FAM81B: variants seen among roughly 807,000 people sequenced by gnomAD.
FAM81B encodes family with sequence similarity 81 member B.
In FAM81B, 60 loss-of-function variants were observed where a neutral mutation model predicts 58.7. That is an observed-to-expected ratio of 1.02 (90% CI 0.83 to 1.27). FAM81B has a LOEUF of 1.27. Among genes scored for constraint, FAM81B ranks in the 50% most tolerant of loss-of-function variants. The pLI is 0.00. For missense variants in FAM81B, 491 were observed against 522.0 expected (o/e 0.94, Z 0.58); for synonymous variants, 189 against 179.6 (o/e 1.05, Z -0.42).
rs535766732 is a variant in FAM81B, at chr5:95,427,872, G to A, written c.657-731G>A. On this transcript the variant is annotated intron_variant, in intron 5 of 9. Transcript: ENST00000283357. ...AGAGTCACGGGTAACAGTTGTGGGG[G>A]TGTGGTTCTGTGTGTTATCTTTCCT... is the stretch of plus-strand genomic sequence containing the variant. Among the ~76,000 whole-genome samples, 8 of 152,256 alleles carry A rather than the reference G, an allele frequency of 5.3e-5. No homozygotes were observed. In the East Asian group the frequency reaches 5.8e-4, roughly 11 times the overall value.
intron 7 of FAM81B, 106 bp from the exon 8 acceptor site, chr5:95,446,456 A>T: frequency 9.1e-7 from 1 of 1,096,336 alleles, no homozygotes; most frequent in Non-Finnish European, 1.3e-6. Flanking sequence ...AATACTTGCT[A>T]GACACACTGA....
rs1297313637 is a variant in FAM81B at position 95,407,398 on chromosome 5, ACACACACACACG to A, written c.294-6535_294-6524del. On this transcript the variant is annotated intron_variant, in intron 3 of 9. Coordinates refer to ENST00000283357, the MANE Select transcript of FAM81B (RefSeq NM_152548.3). The stretch of plus-strand genomic sequence containing the variant: ...AAAATGCCTGTTCTCTTTTACACAC[ACACACACACACG>A]CACACACACACGCGTGCGCGCACAC... Among the ~76,000 whole-genome samples the A allele has an allele frequency of 2.0e-5, 3 of 150,100 alleles. No individual in the cohort carries two copies. The East Asian group carries it at 5.9e-4, about 29-fold the overall frequency.
In FAM81B at chr5:95,414,594, C is replaced by T. The variant is rs531648279; in HGVS notation, c.537+404C>T. Among the ~76,000 whole-genome samples the T allele has an allele frequency of 4.6e-5, 7 of 152,240 alleles. No individual in the cohort carries two copies. In the East Asian group the frequency reaches 7.7e-4, roughly 17 times the overall value. ...CTGATGCCAGCAATTTCTCTAGCCC[C>T]GTCTTCTACCCTTCTTTCCTTCACT... On this transcript the variant is annotated intron_variant, in intron 4 of 9. Transcript: ENST00000283357.
At chr5:95,434,120 A>C (rs1395431925) in intron 6 of FAM81B, among the ~76,000 whole-genome samples, 1 of 152,208 alleles carries the variant, frequency 6.6e-6, no homozygotes, top group Non-Finnish European at 1.5e-5. Flanking sequence ...CAAATGCATT[A>C]TCTCATGCTT....
intron 5 of FAM81B, among the ~76,000 whole-genome samples, chr5:95,423,428 C>T (rs952219566): frequency 2.0e-5 from 3 of 151,050 alleles, no homozygotes; most frequent in South Asian, 2.1e-4. Flanking sequence ...AAGGAAAAGG[C>T]GAGCATGGGA....
chr5:95,410,823 C>T (rs1287351890), intron 3 of FAM81B: 1 of 152,082 alleles, frequency 6.6e-6, no homozygotes, highest in Non-Finnish European at 1.5e-5. Context: ...ACATGGAAAA[C>T]ATCCTAGGCT....
intron 3 of FAM81B, among the ~76,000 whole-genome samples, chr5:95,404,496 C>A (rs1280802940): frequency 1.3e-5 from 2 of 148,934 alleles, no homozygotes; most frequent in African/African-American, 4.9e-5. Flanking sequence ...ATGAAATATT[C>A]AATTTGAAAA....
At chr5:95,447,567 T>C (rs1561317541) in intron 8 of FAM81B, among the ~76,000 whole-genome samples, 1 of 152,096 alleles carries the variant, frequency 6.6e-6, no homozygotes, top group Non-Finnish European at 1.5e-5. Flanking sequence ...CGTGGGGTCA[T>C]TGTGCAGGCA....
chr5:95,414,090 C>A lies in FAM81B; in HGVS notation c.437C>A (p.Thr146Asn), dbSNP rs771298497. 3.7e-6 allele frequency: 6 copies of A among 1,614,090 alleles called. No homozygotes were observed. The highest frequency in any genetic ancestry group is 5.1e-6 in the Non-Finnish European group (6 of 1,180,010). The change falls in exon 4 of 10, where the codon ACC (threonine) becomes AAC (asparagine). Residue 146 changes from threonine to asparagine, a missense_variant. Thr to Asn is a moderately conservative substitution (Grantham distance 65). Transcript: ENST00000283357. ...GACATCTCTGCTTGCCTGCAGGGGA[C>A]CCATGGCTTTCGAAAAGAGGAATCG... ...KEDISACLQGTHGFRKEESLA... is the reference protein window; with the variant it reads ...KEDISACLQGNHGFRKEESLA...
At chr5:95,418,272 C>T (rs1156442934) in intron 4 of FAM81B, among the ~76,000 whole-genome samples, 6 of 152,172 alleles carry the variant, frequency 3.9e-5, no homozygotes, top group Non-Finnish European at 7.4e-5. Context: ...GTTCAGGTAA[C>T]CCTTATTTTA....
intron 7 of FAM81B, among the ~76,000 whole-genome samples, chr5:95,437,304 C>T (rs1745143091): frequency 6.6e-6 from 1 of 151,920 alleles, no homozygotes; most frequent in Non-Finnish European, 1.5e-5. Context: ...AAGATTCTTC[C>T]TAACATCCTC....
chr5:95,415,595 A>G (rs1261898229), intron 4 of FAM81B, among the ~76,000 whole-genome samples: 5 of 152,222 alleles, frequency 3.3e-5, no homozygotes, highest in African/African-American at 1.2e-4. Flanking sequence ...ATGAAGTATC[A>G]TGAAAGTGAC....
intron 4 of FAM81B, among the ~76,000 whole-genome samples, chr5:95,419,060 T>C (rs1762611169): frequency 1.3e-5 from 2 of 152,156 alleles, no homozygotes. Context: ...TTTTAGCATA[T>C]AGTAGAGTAA....
chr5:95,430,952 G>T (rs1258734222), intron 6 of FAM81B, among the ~76,000 whole-genome samples: 1 of 152,062 alleles, frequency 6.6e-6, no homozygotes, highest in Admixed American at 6.6e-5. Context: ...ATGAAGTTGA[G>T]CATCTTTTCA....
intron 7 of FAM81B, among the ~76,000 whole-genome samples, chr5:95,445,208 T>C (rs1745507968): frequency 1.3e-5 from 2 of 152,368 alleles, no homozygotes; most frequent in African/African-American, 2.4e-5. Context: ...ATTATATGCA[T>C]ATAATTTTGT....
chr5:95,437,578 C>G lies in FAM81B; in HGVS notation c.893+672C>G, dbSNP rs554328462. Among the ~76,000 whole-genome samples the G allele has an allele frequency of 2.6e-5, 4 of 152,210 alleles. No individual in the cohort carries two copies. The South Asian group carries it at 8.3e-4, about 32-fold the overall frequency. ...TCTCGAACTCCTGACCTCAGGTGAT[C>G]CGCCCGCCTCAGCCTCCCAAAGTGC... On this transcript the variant is annotated intron_variant, in intron 7 of 9. Transcript: ENST00000283357.
chr5:95,405,859 A>G (rs1444581286), intron 3 of FAM81B, among the ~76,000 whole-genome samples: 1 of 152,164 alleles, frequency 6.6e-6, no homozygotes, highest in Non-Finnish European at 1.5e-5. Flanking sequence ...GGTTTAGGAG[A>G]ACACTTGCTT....
intron 3 of FAM81B, among the ~76,000 whole-genome samples, chr5:95,398,038 C>T (rs1762007619): frequency 6.6e-6 from 1 of 152,152 alleles, no homozygotes; most frequent in Non-Finnish European, 1.5e-5. Context: ...AGCAAAATGG[C>T]ATTTGGGCAT....
chr5:95,400,856 C>T (rs1762093828), intron 3 of FAM81B, among the ~76,000 whole-genome samples: 3 of 151,998 alleles, frequency 2.0e-5, no homozygotes, highest in South Asian at 4.2e-4. Context: ...AGAGATAGAA[C>T]TTGAACCCAA....
Sources: gnomAD v4.1 joint callset for allele counts (sites outside exome capture counted in the v4.1 genomes callset) on GRCh38, gnomAD v4.1.1 for gene constraint, MANE v1.5 for transcripts, NCBI Gene and HGNC (gene_info 2026-07-23, HGNC 2026-07-21) for gene names.